Variants in AADAC observed in about 807,000 individuals in gnomAD.
The protein encoded by AADAC is arylacetamide deacetylase (esterase).
A neutral mutation model predicts 22.7 loss-of-function variants in AADAC; 17 were observed. That is an observed-to-expected ratio of 0.75 (90% CI 0.51 to 1.12). The LOEUF is 1.12. AADAC is among the 50% of genes most tolerant of loss of function. AADAC has a pLI of 0.00. For synonymous variants in AADAC, 167 were observed against 176.3 expected (o/e 0.95, Z 0.42); for missense variants, 465 against 473.9 (o/e 0.98, Z 0.17).
At chr3:151,827,461 G>A in intron 4 of AADAC, 115 bp from the exon 5 acceptor site, 1 of 647,302 alleles carries the variant, frequency 1.5e-6, no homozygotes, top group Non-Finnish European at 2.5e-6. Flanking sequence ...GTCTTTTTGA[G>A]ATCATGAATA....
chr3:151,826,515 A>T (rs567731396), intron 4 of AADAC, among the ~76,000 whole-genome samples: 6 of 152,092 alleles, frequency 3.9e-5, no homozygotes, highest in African/African-American at 1.4e-4. Context: ...GATAAATACT[A>T]CAATTTGCAA....
intron 4 of AADAC, among the ~76,000 whole-genome samples, chr3:151,826,497 A>C (rs1716500728): frequency 6.6e-6 from 1 of 151,960 alleles, no homozygotes. Context: ...AATTATAGTT[A>C]AAATGTGGAT....
intron 4 of AADAC, among the ~76,000 whole-genome samples, chr3:151,826,001 A>C (rs1026273651): frequency 1.6e-5 from 1 of 61,926 alleles, no homozygotes; most frequent in Non-Finnish European, 3.8e-5. Flanking sequence ...ACATATGTAG[A>C]AGGTTAGATT....
intron 2 of AADAC, among the ~76,000 whole-genome samples, chr3:151,818,112 G>A (rs1716069737): frequency 6.6e-6 from 1 of 151,500 alleles, no homozygotes; most frequent in African/African-American, 2.4e-5. Flanking sequence ...GTGGTGGCGG[G>A]CACACATTAT....
chr3:151,815,285 A>T (rs1286645569), intron 1 of AADAC, among the ~76,000 whole-genome samples: 1 of 152,036 alleles, frequency 6.6e-6, no homozygotes, highest in Non-Finnish European at 1.5e-5. Context: ...AAAAGAAACC[A>T]ACCATTCTAA....
At position 151,818,884 on chromosome 3, in the gene AADAC, C is replaced by T. The variant is rs905500030; in HGVS notation, c.361+1296C>T. Among the ~76,000 whole-genome samples, 11 of 151,972 alleles carry T rather than the reference C, an allele frequency of 7.2e-5. 1 individual carries two copies. The highest frequency in any genetic ancestry group is 1.0e-4 in the Non-Finnish European group (7 of 67,962). ...AAGTCCCAATTATGTGAGAAAATCA[C>T]CTAACCCACCTGAGTCCTAGGGCTC... is the stretch of plus-strand genomic sequence containing the variant. On this transcript the variant is annotated intron_variant, in intron 2 of 4. Coordinates refer to ENST00000232892, the MANE Select transcript of AADAC (RefSeq NM_001086.3).
Position 151,824,806 on chromosome 3 carries a change from G to T in AADAC, c.575G>T (p.Gly192Val). 1.3e-6 allele frequency: 2 copies of T among 1,592,100 alleles called. No homozygotes were observed. Among genetic ancestry groups the T allele is most frequent in the South Asian group, 1.2e-5 (1 of 86,094 alleles). Residue 192 changes from glycine (G) to valine (V), a missense_variant, in exon 4 of 5, where the codon GGG becomes GTG. Gly to Val is a moderately radical substitution (Grantham distance 109). Transcript: ENST00000232892. ...RIGISGDSAG[G>V]NLAAAVTQQL... ...GGTATTTCTGGAGATAGTGCAGGAG[G>T]GAATTTAGCTGCAGCAGTGACTCAA...
At chr3:151,821,801 C>T (rs1446887733) in intron 3 of AADAC, among the ~76,000 whole-genome samples, 1 of 151,830 alleles carries the variant, frequency 6.6e-6, no homozygotes, top group East Asian at 1.9e-4. Flanking sequence ...CAAATATATG[C>T]CTTGCCTTCA....
chr3:151,821,455 T>C (rs1716252566), intron 3 of AADAC, among the ~76,000 whole-genome samples: 1 of 151,918 alleles, frequency 6.6e-6, no homozygotes, highest in African/African-American at 2.4e-5. Flanking sequence ...TATATTTAAA[T>C]TGAAATTTCA....
intron 4 of AADAC, among the ~76,000 whole-genome samples, chr3:151,826,260 C>T (rs1408731103): frequency 6.6e-6 from 1 of 151,828 alleles, no homozygotes; most frequent in Non-Finnish European, 1.5e-5. Flanking sequence ...CATAATGTAG[C>T]AGCAAAAGCA....
intron 2 of AADAC, among the ~76,000 whole-genome samples, chr3:151,818,010 G>A (rs1576641168): frequency 6.6e-6 from 1 of 151,868 alleles, no homozygotes; most frequent in East Asian, 1.9e-4. Context: ...AGGCCAAGGC[G>A]GGTGGATAAC....
intron 1 of AADAC, 48 bp from the exon 2 acceptor site, chr3:151,817,318 T>G: frequency 6.6e-7 from 1 of 1,523,852 alleles, no homozygotes; most frequent in South Asian, 1.1e-5. Flanking sequence ...TAGATCTCTT[T>G]GCCATTTGAT....
chr3:151,824,634 A>T, intron 3 of AADAC, 29 bp from the exon 4 acceptor site: 1 of 1,440,642 alleles, frequency 6.9e-7, no homozygotes, highest in Non-Finnish European at 9.2e-7. Flanking sequence ...CAAACAAAAA[A>T]ATGTGTAAAC....
chr3:151,823,803 G>A (rs1476043856), intron 3 of AADAC, among the ~76,000 whole-genome samples: 1 of 151,942 alleles, frequency 6.6e-6, no homozygotes, highest in African/African-American at 2.4e-5. Flanking sequence ...CAAAAAACAT[G>A]TACTAGAATA....
At chr3:151,827,038 C>T (rs570704587) in intron 4 of AADAC, among the ~76,000 whole-genome samples, 1 of 152,016 alleles carries the variant, frequency 6.6e-6, no homozygotes, top group East Asian at 1.9e-4. Flanking sequence ...TCTTAGCCTC[C>T]TGAGTAGCTT....
At chr3:151,819,423 G>C (rs1716139401) in intron 2 of AADAC, among the ~76,000 whole-genome samples, 1 of 151,982 alleles carries the variant, frequency 6.6e-6, no homozygotes, top group African/African-American at 2.4e-5. Flanking sequence ...GATATTCACA[G>C]AGAAACACAT....
chr3:151,814,238 A>C lies in AADAC; in HGVS notation c.76A>C (p.Asn26His). The change falls in exon 1 of 5, where the codon AAC (asparagine) becomes CAC (histidine). Residue 26 changes from asparagine (N) to histidine (H), a missense_variant. Coordinates refer to ENST00000232892, the MANE Select transcript of AADAC (RefSeq NM_001086.3). ...AYYIYTPLPD[N>H]VEEPWRMMWI... ...TTATATTTATACGCCTCTCCCAGAT[A>C]ACGTTGAGGAGCCATGGAGAATGAT... is the stretch of plus-strand genomic sequence containing the variant. 1.2e-6 allele frequency: 2 copies of C among 1,613,246 alleles called. No individual in the cohort carries two copies. Among genetic ancestry groups the C allele is most frequent in the Non-Finnish European group, 1.7e-6 (2 of 1,179,394 alleles).
At chr3:151,814,326 G>T (rs1301724167) in intron 1 of AADAC, 26 bp downstream of exon 1, 7 of 1,601,140 alleles carry the variant, frequency 4.4e-6, no homozygotes, top group Non-Finnish European at 4.3e-6. Context: ...TATGAATTCA[G>T]ATGTGCATAC....
chr3:151,822,317 G>C (rs1459887319), intron 3 of AADAC, among the ~76,000 whole-genome samples: 1 of 151,888 alleles, frequency 6.6e-6, no homozygotes, highest in Non-Finnish European at 1.5e-5. Context: ...GTATACACAA[G>C]AGAAATGAAA....
Sources: gnomAD v4.1 joint callset for allele counts (sites outside exome capture counted in the v4.1 genomes callset) on GRCh38, gnomAD v4.1.1 for gene constraint, MANE v1.5 for transcripts, NCBI Gene and HGNC (gene_info 2026-07-23, HGNC 2026-07-21) for gene names.